Variants in FNDC3B observed in about 807,000 individuals in gnomAD.
FNDC3B encodes fibronectin type III domain-containing protein 3B.
In FNDC3B, 12 loss-of-function variants were observed where a neutral mutation model predicts 151.5. That is an observed-to-expected ratio of 0.08 (90% CI 0.05 to 0.13). The LOEUF (loss-of-function observed/expected upper bound fraction) is 0.13, where lower values mean the gene tolerates loss of function less well. FNDC3B is among the 10% of genes least tolerant of loss of function. The probability of loss-of-function intolerance (pLI) is 1.00; values close to 1 mark genes in which losing one functional copy is unlikely to be tolerated. For missense variants in FNDC3B, 1,214 were observed against 1,505.3 expected (o/e 0.81, Z 3.20); for synonymous variants, 528 against 549.0 (o/e 0.96, Z 0.54).
chr3:172,337,110 A>T (rs1178161725), intron 15 of FNDC3B, among the ~76,000 whole-genome samples: 1 of 152,124 alleles, frequency 6.6e-6, no homozygotes, highest in African/African-American at 2.4e-5. Context: ...TGACATTTCT[A>T]TATCTAAGAA....
At chr3:172,281,199 C>CTTA (rs1311003986) in intron 6 of FNDC3B, among the ~76,000 whole-genome samples, 136 of 142,936 alleles carry the variant, frequency 9.5e-4, no homozygotes, top group Middle Eastern at 3.6e-3. Context: ...ACAAGAGTGC[C>CTTA]TTATTATTAT....
chr3:172,148,295 T>C (rs776535020), intron 3 of FNDC3B, among the ~76,000 whole-genome samples: 1 of 152,148 alleles, frequency 6.6e-6, no homozygotes, highest in African/African-American at 2.4e-5. Flanking sequence ...AAATAAGGGA[T>C]GTACTTATTC....
In FNDC3B at chr3:172,044,760, A is replaced by G. The variant is rs184451419; in HGVS notation, c.-29+4989A>G. Reference sequence around the variant, plus strand: ...AGTGAGTGTGACAAATATAGGAAACATGATTTAACCCATGACATATGGTTT... The same window carrying G: ...AGTGAGTGTGACAAATATAGGAAACGTGATTTAACCCATGACATATGGTTT... On this transcript the variant is annotated intron_variant, in intron 1 of 25. Transcript: ENST00000415807. Among the ~76,000 whole-genome samples, 3 of 152,358 alleles carry G rather than the reference A, an allele frequency of 2.0e-5. No homozygotes were observed. In the East Asian group the frequency reaches 5.8e-4, roughly 29 times the overall value.
intron 1 of FNDC3B, among the ~76,000 whole-genome samples, chr3:172,102,743 A>G (rs1405041936): frequency 2.0e-5 from 3 of 152,132 alleles, no homozygotes; most frequent in Non-Finnish European, 4.4e-5. Context: ...GAGGAGGAGC[A>G]TGTGTTCTGA....
At chr3:172,345,552 T>C (rs1022866059) in intron 19 of FNDC3B, among the ~76,000 whole-genome samples, 3 of 152,204 alleles carry the variant, frequency 2.0e-5, no homozygotes, top group Admixed American at 6.5e-5. Context: ...CCAGCATCTT[T>C]GCATGTTATG....
chr3:172,136,621 A>G (rs983451167), intron 3 of FNDC3B, among the ~76,000 whole-genome samples: 2 of 152,210 alleles, frequency 1.3e-5, no homozygotes, highest in African/African-American at 4.8e-5. Context: ...TGTAATGGAA[A>G]TTTCTGAAAG....
At chr3:172,057,612 A>T (rs1716979134) in intron 1 of FNDC3B, among the ~76,000 whole-genome samples, 1 of 152,114 alleles carries the variant, frequency 6.6e-6, no homozygotes, top group African/African-American at 2.4e-5. Flanking sequence ...ATAGGGATCG[A>T]AGCCTGTCTT....
chr3:172,232,636 A>G (rs925202708), intron 4 of FNDC3B, among the ~76,000 whole-genome samples: 4 of 152,200 alleles, frequency 2.6e-5, no homozygotes, highest in African/African-American at 9.6e-5. Context: ...GAGAGAAAAT[A>G]TAGACCTTTT....
At chr3:172,066,258 G>T (rs186651873) in intron 1 of FNDC3B, among the ~76,000 whole-genome samples, 2 of 152,300 alleles carry the variant, frequency 1.3e-5, no homozygotes, top group Non-Finnish European at 2.9e-5. Context: ...GGGGAGATGA[G>T]CAGTGAGGCG....
chr3:172,169,709 T>C (rs1303710711), intron 3 of FNDC3B, among the ~76,000 whole-genome samples: 1 of 152,168 alleles, frequency 6.6e-6, no homozygotes, highest in African/African-American at 2.4e-5. Flanking sequence ...TACCTACGAG[T>C]GAGTGAGAAA....
At chr3:172,139,191 A>G (rs1040243907) in intron 3 of FNDC3B, among the ~76,000 whole-genome samples, 3 of 149,894 alleles carry the variant, frequency 2.0e-5, no homozygotes, top group Non-Finnish European at 4.4e-5. Context: ...TTTTCCTTAT[A>G]TGATACTTTA....
chr3:172,331,857 T>G (rs975466199), intron 13 of FNDC3B, among the ~76,000 whole-genome samples: 7 of 152,190 alleles, frequency 4.6e-5, no homozygotes, highest in Admixed American at 3.3e-4. Context: ...AATAGAACTT[T>G]CTGCAGTGAT....
At chr3:172,064,069 C>A (rs1717363387) in intron 1 of FNDC3B, among the ~76,000 whole-genome samples, 1 of 152,060 alleles carries the variant, frequency 6.6e-6, no homozygotes, top group Admixed American at 6.5e-5. Flanking sequence ...TTGCTTGAGG[C>A]CAGGAGTTTG....
At chr3:172,112,776 C>T (rs139998396) in intron 2 of FNDC3B, among the ~76,000 whole-genome samples, 186 bp downstream of exon 2, 1 of 152,262 alleles carries the variant, frequency 6.6e-6, no homozygotes, top group East Asian at 1.9e-4. Context: ...AAAATCTTCC[C>T]TCATTCAGTT....
At chr3:172,153,476 T>C (rs1722333669) in intron 3 of FNDC3B, among the ~76,000 whole-genome samples, 1 of 152,188 alleles carries the variant, frequency 6.6e-6, no homozygotes, top group Non-Finnish European at 1.5e-5. Flanking sequence ...TGCTGTTTCC[T>C]GCTGACGTGG....
chr3:172,359,392 C>T (rs1164950531), intron 22 of FNDC3B, among the ~76,000 whole-genome samples: 2 of 151,986 alleles, frequency 1.3e-5, no homozygotes, highest in African/African-American at 4.8e-5. Context: ...ACCTAGAATA[C>T]AAGGTGAGCC....
At chr3:172,255,772 G>A (rs1728305487) in intron 6 of FNDC3B, among the ~76,000 whole-genome samples, 1 of 152,322 alleles carries the variant, frequency 6.6e-6, no homozygotes, top group Non-Finnish European at 1.5e-5. Flanking sequence ...CCTCTCTGGT[G>A]GAATTGGTAC....
At chr3:172,256,167 T>C (rs1728334001) in intron 6 of FNDC3B, among the ~76,000 whole-genome samples, 1 of 152,230 alleles carries the variant, frequency 6.6e-6, no homozygotes, top group Non-Finnish European at 1.5e-5. Flanking sequence ...AGACATGCGG[T>C]GTTCTGCCCC....
At chr3:172,273,057 A>G (rs1729276685) in intron 6 of FNDC3B, among the ~76,000 whole-genome samples, 1 of 152,106 alleles carries the variant, frequency 6.6e-6, no homozygotes, top group Non-Finnish European at 1.5e-5. Context: ...ATTGTTGGAG[A>G]TGATGAGCCT....
Sources: allele counts gnomAD v4.1 joint callset (sites outside exome capture counted in the v4.1 genomes callset), GRCh38; gene constraint gnomAD v4.1.1; transcripts MANE v1.5; gene names NCBI Gene and HGNC (gene_info 2026-07-23, HGNC 2026-07-21).